The following FAT4 variants were observed in gnomAD, a reference collection of about 807,000 sequenced individuals.
The protein encoded by FAT4 is FAT atypical cadherin 4.
In FAT4, 84 loss-of-function variants were observed where a neutral mutation model predicts 303.9. The ratio of observed to expected loss-of-function variants is 0.28; its 90% CI spans 0.23 to 0.33. The LOEUF (loss-of-function observed/expected upper bound fraction) is 0.33, where lower values mean the gene tolerates loss of function less well. Among genes scored for constraint, FAT4 ranks in the 10% least tolerant of loss-of-function variants. The pLI, the probability that FAT4 is intolerant of heterozygous loss-of-function variation, is 1.00. For synonymous variants in FAT4, 2,307 were observed against 2,298.8 expected (o/e 1.00, Z -0.10); for missense variants, 6,005 against 6,146.8 (o/e 0.98, Z 0.77).
At chr4:125,363,872 C>G (rs773584090) in intron 2 of FAT4, among the ~76,000 whole-genome samples, 1 of 152,126 alleles carries the variant, frequency 6.6e-6, no homozygotes, top group East Asian at 1.9e-4. Context: ...CTTATTATCT[C>G]ATCACTGTTT....
At chr4:125,380,388 G>A (rs1733495001) in intron 2 of FAT4, among the ~76,000 whole-genome samples, 1 of 152,142 alleles carries the variant, frequency 6.6e-6, no homozygotes, top group Non-Finnish European at 1.5e-5. Context: ...TAAAAATAGG[G>A]ACCTACACAA....
intron 3 of FAT4, among the ~76,000 whole-genome samples, chr4:125,403,791 T>G (rs1734482328): frequency 6.6e-6 from 1 of 152,168 alleles, no homozygotes; most frequent in African/African-American, 2.4e-5. Context: ...TTTTTTTTCT[T>G]TTTTGCTTTT....
At chr4:125,433,171 A>G (rs1263935130) in intron 7 of FAT4, among the ~76,000 whole-genome samples, 1 of 152,174 alleles carries the variant, frequency 6.6e-6, no homozygotes, top group Non-Finnish European at 1.5e-5. Flanking sequence ...GAATCTCAAT[A>G]CCATTCTGTG....
At chr4:125,454,193 A>G (rs1726198974) in intron 10 of FAT4, among the ~76,000 whole-genome samples, 1 of 152,224 alleles carries the variant, frequency 6.6e-6, no homozygotes. Context: ...ATTTTAAGCA[A>G]ATGCATTTCT....
intron 7 of FAT4, among the ~76,000 whole-genome samples, chr4:125,425,574 T>TA (rs753970315): frequency 5.9e-4 from 90 of 152,046 alleles, no homozygotes; most frequent in Non-Finnish European, 1.0e-3. Flanking sequence ...CCTCAATAAA[T>TA]AAAAAATATG....
chr4:125,346,403 T>G (rs1732005912), intron 2 of FAT4, among the ~76,000 whole-genome samples: 1 of 152,090 alleles, frequency 6.6e-6, no homozygotes, highest in East Asian at 1.9e-4. Flanking sequence ...ATTAAAACTT[T>G]TATGGCTATA....
intron 11 of FAT4, among the ~76,000 whole-genome samples, chr4:125,466,085 A>T (rs1217028190): frequency 6.6e-6 from 1 of 152,148 alleles, no homozygotes; most frequent in Non-Finnish European, 1.5e-5. Context: ...TCAATAAAAG[A>T]TTGGCTATTT....
chr4:125,380,492 C>T lies in FAT4; in HGVS notation c.5176-18292C>T, dbSNP rs555309717. On this transcript the variant is annotated intron_variant, in intron 2 of 17. Coordinates refer to ENST00000394329, the MANE Select transcript of FAT4 (RefSeq NM_001291303.3). The stretch of plus-strand genomic sequence containing the variant: ...ATGTAATCCATACAATATTAAAAAC[C>T]GTCAATAAAAACATGTTGAAAGTCC... Among the ~76,000 whole-genome samples, 10 of 152,088 alleles carry T rather than the reference C, an allele frequency of 6.6e-5. No homozygotes were observed. The South Asian group carries it at 1.5e-3, about 22-fold the overall frequency.
intron 2 of FAT4, among the ~76,000 whole-genome samples, chr4:125,367,746 AT>A (rs888035311): frequency 2.8e-4 from 42 of 152,268 alleles, no homozygotes; most frequent in African/African-American, 1.0e-3. Context: ...GACCATTGCC[AT>A]TTTTAATCAG....
At chr4:125,382,430 T>C (rs1733576368) in intron 2 of FAT4, among the ~76,000 whole-genome samples, 1 of 152,234 alleles carries the variant, frequency 6.6e-6, no homozygotes. Context: ...AGGTAGATTG[T>C]CAATGATCAG....
intron 2 of FAT4, among the ~76,000 whole-genome samples, chr4:125,356,537 G>GTTT (rs1432744389): frequency 5.1e-5 from 6 of 118,722 alleles, no homozygotes; most frequent in African/African-American, 1.9e-4. Context: ...GATATAGGGT[G>GTTT]TTTTGTTTTT....
Position 125,490,358 on chromosome 4 carries a change from C to T in FAT4, c.13542C>T (p.Cys4514=), listed in dbSNP as rs150349777. 52 of 1,614,100 alleles carry T rather than the reference C, an allele frequency of 3.2e-5. No individual in the cohort carries two copies. In the Middle Eastern group the frequency reaches 8.2e-4, roughly 26 times the overall value. ...LWAVPAIVGS[C]ATVLALLVLS... is the part of the protein sequence containing the mutation. Reference sequence around the variant, plus strand: ...CTGTGCCTGCCATCGTGGGCAGCTGCGCAACCGTCTTGGCCCTCCTGGTCC... The same window carrying T: ...CTGTGCCTGCCATCGTGGGCAGCTGTGCAACCGTCTTGGCCCTCCTGGTCC... The change falls in exon 18 of 18, where the codon TGC becomes TGT. Residue 4514 remains cysteine (C), a synonymous_variant. Transcript: ENST00000394329.
At chr4:125,428,598 C>G (rs1725178221) in intron 7 of FAT4, among the ~76,000 whole-genome samples, 1 of 151,990 alleles carries the variant, frequency 6.6e-6, no homozygotes, top group African/African-American at 2.4e-5. Flanking sequence ...TCTTTTTTGG[C>G]TATTTTATGT....
chr4:125,468,000 A>G (rs936547305), intron 11 of FAT4, among the ~76,000 whole-genome samples: 2 of 152,044 alleles, frequency 1.3e-5, no homozygotes, highest in Admixed American at 6.6e-5. Context: ...TCTCGTCTCT[A>G]TTAAAAATAC....
At chr4:125,371,063 G>T (rs1450397719) in intron 2 of FAT4, among the ~76,000 whole-genome samples, 1 of 149,716 alleles carries the variant, frequency 6.7e-6, no homozygotes, top group South Asian at 2.1e-4. Flanking sequence ...CAGGCAAATC[G>T]CTTAAATCTG....
chr4:125,330,457 G>A lies in FAT4; in HGVS notation c.5175+8871G>A, dbSNP rs573594422. Among the ~76,000 whole-genome samples the A allele has an allele frequency of 3.9e-5, 6 of 152,260 alleles. No individual in the cohort carries two copies. The South Asian group carries it at 6.2e-4, about 16-fold the overall frequency. ...TCTCTTTTTAATCAATTTCACTGAG[G>A]AGCTCAACCAATCTCATTCCTTTAT... is the stretch of plus-strand genomic sequence containing the variant. On this transcript the variant is annotated intron_variant, in intron 2 of 17. Transcript: ENST00000394329.
Position 125,451,952 on chromosome 4 carries a change from A to G in FAT4, c.10942A>G (p.Ser3648Gly). The change falls in exon 10 of 18, where the codon AGC becomes GGC. Residue 3648 changes from serine (S) to glycine (G), a missense_variant. Physicochemically the swap from Ser to Gly is moderately conservative, Grantham distance 56. Coordinates refer to ENST00000394329, the MANE Select transcript of FAT4 (RefSeq NM_001291303.3). ...GCCACAGGATCCAGATGTGTTAGAC[A>G]GCTTCCACTGCTCCCTTACTTCAGG... Reference protein sequence around the residue: ...VKPQDPDVLDSFHCSLTSGVT... With the variant: ...VKPQDPDVLDGFHCSLTSGVT... 1 of 1,614,172 alleles carries G rather than the reference A, an allele frequency of 6.2e-7. No individual in the cohort carries two copies. Among genetic ancestry groups the G allele is most frequent in the Non-Finnish European group, 8.5e-7 (1 of 1,180,030 alleles).
chr4:125,373,123 TC>T (rs1383190129), intron 2 of FAT4, among the ~76,000 whole-genome samples: 1 of 152,182 alleles, frequency 6.6e-6, no homozygotes, highest in Non-Finnish European at 1.5e-5. Flanking sequence ...ATCATTGAAC[TC>T]CTTTCTTTCT....
At chr4:125,487,628 A>G (rs1392919986) in intron 17 of FAT4, 22 bp downstream of exon 17, 2 of 1,561,542 alleles carry the variant, frequency 1.3e-6, no homozygotes, top group African/African-American at 2.7e-5. Context: ...TATTAAGTAG[A>G]GTCACAAGGG....
Sources: gnomAD v4.1 joint callset for allele counts (sites outside exome capture counted in the v4.1 genomes callset) on GRCh38, gnomAD v4.1.1 for gene constraint, MANE v1.5 for transcripts, NCBI Gene and HGNC (gene_info 2026-07-23, HGNC 2026-07-21) for gene names.